Variants in ADAMTS14 observed in about 807,000 individuals in gnomAD.
The protein encoded by ADAMTS14 is A disintegrin and metalloproteinase with thrombospondin motifs 14.
A neutral mutation model predicts 128.6 loss-of-function variants in ADAMTS14; 100 were observed. That is an observed-to-expected ratio of 0.78 (90% CI 0.66 to 0.92). The LOEUF (loss-of-function observed/expected upper bound fraction) is 0.92, where lower values mean the gene tolerates loss of function less well. ADAMTS14 is among the 40% of genes least tolerant of loss of function. The pLI is 0.00. For synonymous variants in ADAMTS14, 665 were observed against 653.8 expected (o/e 1.02, Z -0.26); for missense variants, 1,562 against 1,658.6 (o/e 0.94, Z 1.01).
chr10:70,760,360 C>G lies in ADAMTS14; in HGVS notation c.3179C>G (p.Thr1060Arg), dbSNP rs528982207. 6.4e-7 allele frequency: 1 copy of G among 1,555,778 alleles called. No individual in the cohort carries two copies. Among genetic ancestry groups the G allele is most frequent in the Admixed American group, 1.8e-5 (1 of 54,960 alleles). ...PLHPINKISS[T>R]EPCTGDRSVF... ...CCTTGTCCTTGTGCTGTGTGTGCAG[C>G]GGAGCCCTGCACGGGAGACAGGTCT... Residue 1060 changes from threonine (T) to arginine (R), a missense_variant and splice_region_variant, in exon 22 of 22, where the codon ACG (threonine) becomes AGG (arginine). Physicochemically the swap from Thr to Arg is moderately conservative, Grantham distance 71. Coordinates refer to ENST00000373207, the MANE Select transcript of ADAMTS14 (RefSeq NM_080722.4).
intron 6 of ADAMTS14, among the ~76,000 whole-genome samples, chr10:70,731,749 G>C (rs1841645414): frequency 6.6e-6 from 1 of 152,108 alleles, no homozygotes; most frequent in African/African-American, 2.4e-5. Flanking sequence ...TTGAATTCTA[G>C]CCTTTCTGGC....
intron 2 of ADAMTS14, among the ~76,000 whole-genome samples, chr10:70,683,932 G>A (rs1478212454): frequency 1.3e-5 from 2 of 152,194 alleles, no homozygotes; most frequent in Non-Finnish European, 2.9e-5. Context: ...AGCCTTGGGA[G>A]TTGCATGTAT....
intron 2 of ADAMTS14, among the ~76,000 whole-genome samples, chr10:70,680,315 G>A (rs935848782): frequency 3.4e-5 from 3 of 87,032 alleles, no homozygotes; most frequent in Admixed American, 1.0e-4. Context: ...CAGGAGAATC[G>A]CATCGCTTGA....
chr10:70,717,897 A>G (rs1477057113), intron 4 of ADAMTS14, among the ~76,000 whole-genome samples: 1 of 151,914 alleles, frequency 6.6e-6, no homozygotes, highest in African/African-American at 2.4e-5. Context: ...ACTGGCTAGC[A>G]CCTCTGCCAA....
rs1564547636 is a variant in ADAMTS14, at chr10:70,736,682, C to T, written c.1488C>T (p.Phe496=). Reference sequence around the variant, plus strand: ...GACCCCATTCCCTTGCCATGCAGTTCAGGACCTTTGAGCCCTGCAAGCAGC... The same window carrying T: ...GACCCCATTCCCTTGCCATGCAGTTTAGGACCTTTGAGCCCTGCAAGCAGC... ...FGSGYQTCLA[F]RTFEPCKQLW... Residue 496 remains phenylalanine, a splice_region_variant and synonymous_variant, in exon 10 of 22, where the codon TTC becomes TTT. Coordinates refer to ENST00000373207, the MANE Select transcript of ADAMTS14 (RefSeq NM_080722.4). 1.2e-6 allele frequency: 2 copies of T among 1,613,632 alleles called. No individual in the cohort carries two copies. Among genetic ancestry groups the T allele is most frequent in the Admixed American group, 1.7e-5 (1 of 59,984 alleles).
intron 4 of ADAMTS14, among the ~76,000 whole-genome samples, chr10:70,721,462 T>TGCAA (rs1461595654): frequency 1.3e-5 from 2 of 151,534 alleles, no homozygotes; most frequent in East Asian, 3.9e-4. Flanking sequence ...CTCAGCTCAC[T>TGCAA]GCAAGCTCTG....
chr10:70,730,258 G>A lies in ADAMTS14; in HGVS notation c.1102+9G>A. ...GGACTTTGGGCCCTCAGGTATGCAAGGTACTGTATTTGCCATGGCCAGGTG... is the reference window on the plus strand; with the variant it reads ...GGACTTTGGGCCCTCAGGTATGCAAAGTACTGTATTTGCCATGGCCAGGTG... On this transcript the variant is annotated intron_variant, in intron 6 of 21. Coordinates refer to ENST00000373207, the MANE Select transcript of ADAMTS14 (RefSeq NM_080722.4). The A allele has an allele frequency of 6.2e-7, 1 of 1,612,234 alleles. No individual in the cohort carries two copies. The highest frequency in any genetic ancestry group is 2.2e-5 in the East Asian group (1 of 44,802).
At chr10:70,747,404 A>G (rs895587513) in intron 15 of ADAMTS14, among the ~76,000 whole-genome samples, 1 of 151,574 alleles carries the variant, frequency 6.6e-6, no homozygotes, top group Non-Finnish European at 1.5e-5. Context: ...AGCCCAGGTT[A>G]GAGGACATTG....
At chr10:70,705,751 A>G (rs1403245138) in intron 3 of ADAMTS14, among the ~76,000 whole-genome samples, 3 of 152,206 alleles carry the variant, frequency 2.0e-5, no homozygotes, top group Admixed American at 2.0e-4. Flanking sequence ...AGGCTCATCC[A>G]TGGGATCGCC....
chr10:70,746,801 C>T (rs768157348), intron 15 of ADAMTS14, among the ~76,000 whole-genome samples: 1 of 152,088 alleles, frequency 6.6e-6, no homozygotes, highest in Non-Finnish European at 1.5e-5. Flanking sequence ...AATTATATCT[C>T]GGTTCAAACC....
At chr10:70,709,495 GTTTTTT>G (rs746940189) in intron 4 of ADAMTS14, among the ~76,000 whole-genome samples, 57 of 101,800 alleles carry the variant, frequency 5.6e-4, no homozygotes, top group Admixed American at 9.4e-4. Flanking sequence ...AACATTTCCA[GTTTTTT>G]TTTTTTTTTT....
intron 11 of ADAMTS14, among the ~76,000 whole-genome samples, chr10:70,740,247 G>A (rs781157174): frequency 6.6e-6 from 1 of 152,184 alleles, no homozygotes; most frequent in Non-Finnish European, 1.5e-5. Context: ...ACAAAAATCT[G>A]TGCAATTCTC....
chr10:70,758,041 A>AG lies in ADAMTS14; in HGVS notation c.3022dup (p.Asp1008GlyfsTer2). The AG allele has an allele frequency of 6.2e-7, 1 of 1,613,632 alleles. No individual in the cohort carries two copies. Among genetic ancestry groups the AG allele is most frequent in the Non-Finnish European group, 8.5e-7 (1 of 1,179,884 alleles). On this transcript the variant is annotated frameshift_variant, in exon 20 of 22. Transcript: ENST00000373207. ...AACGCCAACAGCCTCGGGCATTGCG[A>AG]GGGGGATAGGCCAGACACTGTCCAG...
Position 70,757,975 on chromosome 10 carries a change from G to A in ADAMTS14, c.2951G>A (p.Cys984Tyr). 6.2e-7 allele frequency: 1 copy of A among 1,611,764 alleles called. No homozygotes were observed. ...LGAWSQCSAT[C>Y]GEGIQQRQVV... The stretch of plus-strand genomic sequence containing the variant: ...CACCCACGGCAGTGCTCTGCCACCT[G>A]TGGAGAGGGCATCCAGCAGCGGCAG... The change falls in exon 20 of 22, where the codon TGT becomes TAT. Residue 984 changes from cysteine to tyrosine, a missense_variant. Transcript: ENST00000373207.
chr10:70,753,047 T>C (rs1047776847), intron 18 of ADAMTS14, among the ~76,000 whole-genome samples: 10 of 152,262 alleles, frequency 6.6e-5, no homozygotes, highest in Non-Finnish European at 1.2e-4. Flanking sequence ...TAGCTCTGCC[T>C]GAGTTCCTGG....
rs780890050 is a variant in ADAMTS14, at chr10:70,738,833, C to T, written c.1600-9C>T. On this transcript the variant is annotated splice_polypyrimidine_tract_variant and intron_variant, in intron 10 of 21. Coordinates refer to ENST00000373207, the MANE Select transcript of ADAMTS14 (RefSeq NM_080722.4). Reference sequence around the variant, plus strand: ...CCAGGGTGACCTCATGCCCTCTGCTCTGCCCCAGTGGTGCTTCAAAGGTCA... The same window carrying T: ...CCAGGGTGACCTCATGCCCTCTGCTTTGCCCCAGTGGTGCTTCAAAGGTCA... 4.3e-6 allele frequency: 7 copies of T among 1,613,910 alleles called. No homozygotes were observed. Among genetic ancestry groups the T allele is most frequent in the East Asian group, 4.5e-5 (2 of 44,878 alleles).
At chr10:70,673,792 A>C (rs1839556378) in intron 1 of ADAMTS14, among the ~76,000 whole-genome samples, 2 of 152,204 alleles carry the variant, frequency 1.3e-5, no homozygotes, top group Admixed American at 1.3e-4. Flanking sequence ...ATTCCTGCCC[A>C]GCCTGGCTGG....
chr10:70,750,040 C>A, intron 16 of ADAMTS14, 55 bp downstream of exon 16: 1 of 1,589,322 alleles, frequency 6.3e-7, no homozygotes, highest in Non-Finnish European at 8.6e-7. Flanking sequence ...GTCCCCTTAG[C>A]TCGCTACATC....
Position 70,708,641 on chromosome 10 carries a change from G to A in ADAMTS14, c.733G>A (p.Gly245Ser), listed in dbSNP as rs761791368. ...GCTGGGCCTGGTGGGGGACCAGCTG[G>A]GCGACACAGAGCGGAAGCGGCGGCA... ...NLLGLVGDQL[G>S]DTERKRRHAK... The change falls in exon 4 of 22, where the codon GGC becomes AGC. Residue 245 changes from glycine to serine, a missense_variant. Gly to Ser is a moderately conservative substitution (Grantham distance 56). Coordinates refer to ENST00000373207, the MANE Select transcript of ADAMTS14 (RefSeq NM_080722.4). The A allele has an allele frequency of 6.0e-5, 97 of 1,612,830 alleles. No homozygotes were observed. The highest frequency in any genetic ancestry group is 7.6e-5 in the Non-Finnish European group (90 of 1,179,166).
Sources: allele counts gnomAD v4.1 joint callset (sites outside exome capture counted in the v4.1 genomes callset), GRCh38; gene constraint gnomAD v4.1.1; transcripts MANE v1.5; gene names NCBI Gene and HGNC (gene_info 2026-07-23, HGNC 2026-07-21).